Variants in HEXD observed in about 807,000 individuals in gnomAD.
HEXD encodes N-acetyl-beta-galactosaminidase.
A neutral mutation model predicts 54.2 loss-of-function variants in HEXD; 47 were observed. That is an observed-to-expected ratio of 0.87 (90% CI 0.69 to 1.11). The LOEUF (loss-of-function observed/expected upper bound fraction) is 1.11, where lower values mean the gene tolerates loss of function less well. Ranked by LOEUF, HEXD falls within the 50% of genes least tolerant of loss-of-function variation. The pLI is 0.00. For synonymous variants in HEXD, 293 were observed against 287.6 expected, an observed-to-expected ratio of 1.02 and a Z score of -0.19; for missense variants, 576 against 649.2, an observed-to-expected ratio of 0.89 and a Z score of 1.23.
In HEXD at chr17:82,418,518, C is replaced by G. The variant is rs563695420; in HGVS notation, c.-274C>G. On this transcript the variant is annotated 5_prime_UTR_variant, in exon 1 of 13. Transcript: ENST00000327949. The stretch of plus-strand genomic sequence containing the variant: ...GGCCGCCGCGGAGCCGGGCCGGACG[C>G]GGGCGCCAGGCCCGGGGACGAACGC... The G allele has an allele frequency of 1.4e-5, 18 of 1,285,282 alleles. No homozygotes were observed. The highest frequency in any genetic ancestry group is 1.8e-5 in the Non-Finnish European group (18 of 1,006,464). The allele number at this position is 1,285,282 out of a possible 1,614,324, so 79.6% of individuals were successfully genotyped here. A position where few individuals can be genotyped will look rare whatever the true frequency, so the allele number is the denominator to read the frequency against.
chr17:82,436,980 C>T, intron 7 of HEXD, 188 bp from the exon 8 acceptor site: 1 of 659,942 alleles, frequency 1.5e-6, no homozygotes, highest in Non-Finnish European at 2.7e-6. Flanking sequence ...GGGCCACGTA[C>T]ACTCTGGAGT....
chr17:82,436,170 C>T (rs561983907), intron 6 of HEXD, among the ~76,000 whole-genome samples: 4 of 152,370 alleles, frequency 2.6e-5, no homozygotes, highest in South Asian at 4.1e-4. Context: ...CCGAGGTTCC[C>T]GCTGGCTGCT....
intron 4 of HEXD, among the ~76,000 whole-genome samples, chr17:82,433,091 A>AAAAAAAAAAT (rs1555617647): frequency 7.6e-5 from 1 of 13,234 alleles, no homozygotes; most frequent in Non-Finnish European, 1.0e-4. Flanking sequence ...AAAAAAAAAA[A>AAAAAAAAAAT]ATATATATAT....
At chr17:82,437,625 CTG>C (rs5822529) in intron 8 of HEXD, among the ~76,000 whole-genome samples, 9,541 of 150,754 alleles carry the variant, frequency 0.063, 995 homozygotes, top group African/African-American at 0.22. Context: ...GCACCTGAGG[CTG>C]TGTGTGTGTG....
chr17:82,430,539 C>T (rs980304882), intron 4 of HEXD, among the ~76,000 whole-genome samples: 3 of 152,174 alleles, frequency 2.0e-5, no homozygotes, highest in Non-Finnish European at 4.4e-5. Flanking sequence ...AGGTGTACCC[C>T]ACCATGCCCG....
At position 82,434,391 on chromosome 17, in the gene HEXD, G is replaced by A. The variant is rs377017688; in HGVS notation, c.447+569G>A. Among the ~76,000 whole-genome samples the A allele has an allele frequency of 1.4e-3, 219 of 152,300 alleles. 2 individuals carry two copies. The highest frequency in any genetic ancestry group is 2.7e-3 in the Non-Finnish European group (187 of 68,006). On this transcript the variant is annotated intron_variant, in intron 5 of 12. Transcript: ENST00000327949. This position sits in a 1 kb window ranked among gnomAD's most constrained non-coding sequence, Gnocchi z 4.5. ...CAGGGCCTGGGCAGGATGTGGAACT[G>A]AAAGGGGCGGGGTTGGTGCCCACGG...
At chr17:82,440,366 TTCTCAGTTGCTGAC>T in intron 9 of HEXD, 5 of 1,187,120 alleles carry the variant, frequency 4.2e-6, no homozygotes, top group Non-Finnish European at 5.4e-6. Context: ...TCAGATTGAC[TTCTCAGTTGCTGAC>T]TCTCAACTGC....
rs772467805 is a variant in HEXD at position 82,441,199 on chromosome 17, C to T, written c.1096C>T (p.Leu366Phe). 6.2e-7 allele frequency: 1 copy of T among 1,613,062 alleles called. No individual in the cohort carries two copies. Among genetic ancestry groups the T allele is most frequent in the African/African-American group, 1.3e-5 (1 of 74,918 alleles). Residue 366 changes from leucine to phenylalanine, a missense_variant, in exon 11 of 13, where the codon CTT becomes TTT. By Grantham distance (22) the Leu-to-Phe change is conservative (BLOSUM62 0). Coordinates refer to ENST00000327949, the MANE Select transcript of HEXD (RefSeq NM_001330542.2). ...GAGSFPGSNI[L>F]ALVTQVSLHL... Reference sequence around the variant, plus strand: ...CGGCTCCTTCCCTGGCAGCAACATCCTTGCCCTTGTCACACAAGTCAGCCT... The same window carrying T: ...CGGCTCCTTCCCTGGCAGCAACATCTTTGCCCTTGTCACACAAGTCAGCCT...
chr17:82,439,246 C>G (rs951286779), intron 8 of HEXD, among the ~76,000 whole-genome samples: 1 of 152,160 alleles, frequency 6.6e-6, no homozygotes, highest in African/African-American at 2.4e-5. Flanking sequence ...AGGAGGGGCC[C>G]GGAGGCCCTA....
chr17:82,427,955 G>A (rs1241915521), intron 3 of HEXD: 2 of 152,202 alleles, frequency 1.3e-5, no homozygotes, highest in Admixed American at 6.6e-5. Context: ...CTGCTGACCC[G>A]GCTCTGGATG....
intron 2 of HEXD, among the ~76,000 whole-genome samples, chr17:82,424,057 C>T (rs1002750118): frequency 6.6e-6 from 1 of 151,988 alleles, no homozygotes; most frequent in Non-Finnish European, 1.5e-5. Flanking sequence ...TGCCCCTCAG[C>T]CTGGCTGCCT....
At chr17:82,433,954 C>T in intron 5 of HEXD, 132 bp downstream of exon 5, 1 of 833,848 alleles carries the variant, frequency 1.2e-6, no homozygotes. Flanking sequence ...CCCCATCCAA[C>T]ATCTTCTCCG....
At chr17:82,436,033 G>A (rs2053752513) in intron 6 of HEXD, among the ~76,000 whole-genome samples, 161 bp downstream of exon 6, 1 of 152,256 alleles carries the variant, frequency 6.6e-6, no homozygotes, top group Non-Finnish European at 1.5e-5. Context: ...CCAGGCCTGA[G>A]TCGTTTCCCT....
chr17:82,440,221 C>T (rs1241479951), intron 9 of HEXD: 2 of 1,289,350 alleles, frequency 1.6e-6, no homozygotes, highest in Non-Finnish European at 2.0e-6. Context: ...TGGAAACTCG[C>T]AGGCCACACG....
At chr17:82,436,162 G>A (rs543505690) in intron 6 of HEXD, among the ~76,000 whole-genome samples, 111 of 152,362 alleles carry the variant, frequency 7.3e-4, no homozygotes, top group African/African-American at 2.6e-3. Flanking sequence ...ACTGGGGGCC[G>A]AGGTTCCCGC....
rs867030294 is a variant in HEXD at position 82,432,939 on chromosome 17, G to A, written c.283-719G>A. On this transcript the variant is annotated intron_variant, in intron 4 of 12. Coordinates refer to ENST00000327949, the MANE Select transcript of HEXD (RefSeq NM_001330542.2). ...AAATTAGCCGGGCGTGGTGGCGGGCGCCTGTAGTCCCAGCTACTCGGGAGG... is the reference window on the plus strand; with the variant it reads ...AAATTAGCCGGGCGTGGTGGCGGGCACCTGTAGTCCCAGCTACTCGGGAGG... Among the ~76,000 whole-genome samples the A allele has an allele frequency of 2.1e-3, 303 of 146,990 alleles. 2 individuals carry two copies. The highest frequency in any genetic ancestry group is 7.1e-3 in the African/African-American group (285 of 40,026).
intron 4 of HEXD, among the ~76,000 whole-genome samples, chr17:82,433,122 A>ATT (rs2053649735): frequency 5.7e-5 from 1 of 17,434 alleles, no homozygotes; most frequent in Non-Finnish European, 8.1e-5. Context: ...ATATATATAT[A>ATT]TATATATTTT....
rs1234979433 is a variant in HEXD at position 82,418,372 on chromosome 17, C to T, written c.-420C>T. The T allele has an allele frequency of 6.4e-6, 9 of 1,412,094 alleles. No homozygotes were observed. Among genetic ancestry groups the T allele is most frequent in the Non-Finnish European group, 8.5e-6 (9 of 1,064,706 alleles). The allele number at this position is 1,412,094 out of a possible 1,614,324, so 87.5% of individuals were successfully genotyped here. A position where few individuals can be genotyped will look rare whatever the true frequency, so the allele number is the denominator to read the frequency against. ...AGTCCCGCCCACTCCATGGCCCTGT[C>T]CGCCGCCGCAGCGCGCGCCCTTCCC... is the stretch of plus-strand genomic sequence containing the variant. On this transcript the variant is annotated 5_prime_UTR_variant, in exon 1 of 13. Coordinates refer to ENST00000327949, the MANE Select transcript of HEXD (RefSeq NM_001330542.2).
chr17:82,439,588 T>C (rs763633683), intron 8 of HEXD, 43 bp from the exon 9 acceptor site: 8 of 1,507,808 alleles, frequency 5.3e-6, no homozygotes, highest in Non-Finnish European at 7.1e-6. Flanking sequence ...GTCAGGCTGC[T>C]GGGGGCGGGC....
Sources: allele counts gnomAD v4.1 joint callset (sites outside exome capture counted in the v4.1 genomes callset), GRCh38; gene constraint gnomAD v4.1.1; non-coding constraint Gnocchi (gnomAD v3.1); transcripts MANE v1.5; gene names NCBI Gene and HGNC (gene_info 2026-07-23, HGNC 2026-07-21).